Variants in SPATA24 observed in about 807,000 individuals in gnomAD.
SPATA24 encodes the protein spermatogenesis-associated protein 24.
A neutral mutation model predicts 28.9 loss-of-function variants in SPATA24; 21 were observed. That is an observed-to-expected ratio of 0.73 (90% CI 0.52 to 1.05). The LOEUF is 1.05. Ranked by LOEUF, SPATA24 falls within the 50% of genes least tolerant of loss-of-function variation. The pLI, the probability that SPATA24 is intolerant of heterozygous loss-of-function variation, is 0.00. For synonymous variants in SPATA24, 76 were observed against 89.9 expected (o/e 0.85, Z 0.88); for missense variants, 215 against 242.9 (o/e 0.88, Z 0.76).
At chr5:139,394,698 A>C, downstream of SPATA24, 2 of 1,533,696 alleles carry the variant, frequency 1.3e-6, no homozygotes, top group Non-Finnish European at 1.7e-6. Context: ...GCGCCTCGCG[A>C]TCGTCTGCGC....
downstream of SPATA24, chr5:139,396,329 C>A (rs1201532522): frequency 1.1e-5 from 11 of 985,354 alleles, no homozygotes; most frequent in Non-Finnish European, 1.3e-5. Context: ...CTTAAAACCA[C>A]ACACAGCATT....
At chr5:139,393,021 A>G (rs1331084803), downstream of SPATA24, 2 of 1,524,108 alleles carry the variant, frequency 1.3e-6, no homozygotes, top group South Asian at 2.5e-5. Context: ...CCACCGGTAG[A>G]AAATCCTTGA....
At chr5:139,394,404 C>T (rs7447765), downstream of SPATA24, 2 of 1,388,966 alleles carry the variant, frequency 1.4e-6, no homozygotes, top group Non-Finnish European at 9.3e-7. Flanking sequence ...GCCGGGGGCG[C>T]GGCGCGCCGG....
At chr5:139,392,935 A>T (rs1254774172), downstream of SPATA24, 1 of 1,522,364 alleles carries the variant, frequency 6.6e-7, no homozygotes, top group Non-Finnish European at 8.8e-7. The surrounding 1 kb of genome is among the most constrained non-coding windows in gnomAD (Gnocchi z 5.8). Context: ...CCTCCGCCGC[A>T]GGACCCCGTT....
chr5:139,393,055 G>C, downstream of SPATA24: 1 of 1,531,586 alleles, frequency 6.5e-7, no homozygotes, highest in East Asian at 2.5e-5. Context: ...GTAGTGAGCC[G>C]GGGCGGGGGG....
intron 4 of SPATA24, among the ~76,000 whole-genome samples, chr5:139,400,298 C>A (rs910769964): frequency 2.7e-5 from 4 of 147,220 alleles, no homozygotes; most frequent in Admixed American, 7.0e-5. Context: ...GGAATTCATA[C>A]CTACTTTTTT....
At chr5:139,394,349 G>A (rs1449582064), downstream of SPATA24, 4 of 1,426,536 alleles carry the variant, frequency 2.8e-6, no homozygotes, top group Non-Finnish European at 3.6e-6. Context: ...GCGGCGGCCT[G>A]CAGGGGGCCC....
chr5:139,401,083 G>C (rs1277959960), intron 4 of SPATA24, among the ~76,000 whole-genome samples: 2 of 152,122 alleles, frequency 1.3e-5, no homozygotes, highest in Non-Finnish European at 1.5e-5. Flanking sequence ...CTTGAACCCA[G>C]GAGATGGAGG....
chr5:139,395,111 C>G, downstream of SPATA24: 1 of 1,385,024 alleles, frequency 7.2e-7, no homozygotes, highest in Non-Finnish European at 9.4e-7. Context: ...CACTATCTCC[C>G]TCGCATTCGC....
At chr5:139,393,365 G>C, downstream of SPATA24, 1 of 1,551,570 alleles carries the variant, frequency 6.4e-7, no homozygotes. Context: ...CCAAAGGCAA[G>C]ATCTGAAATT....
rs990416567 is a variant in SPATA24 at position 139,401,734 on chromosome 5, G to A, written c.385+21C>T. 27 of 1,551,106 alleles carry A rather than the reference G, an allele frequency of 1.7e-5. No homozygotes were observed. In the African/African-American group the frequency reaches 3.4e-4, roughly 20 times the overall value. ...AGCCCGTTTATATAACCGTGGTGGA[G>A]AGCACGGGCCTCCCGCCTACCATTG... is the stretch of plus-strand genomic sequence containing the variant. On this transcript the variant is annotated intron_variant, in intron 4 of 5. Transcript: ENST00000450845.
chr5:139,394,261 G>C (rs750520103), downstream of SPATA24: 1 of 1,544,878 alleles, frequency 6.5e-7, no homozygotes, highest in East Asian at 2.5e-5. Flanking sequence ...CGACCGCCCC[G>C]TGGACCCGAA....
At position 139,404,018 on chromosome 5, in the gene SPATA24, C is replaced by A. The variant is rs201105749; in HGVS notation, c.43G>T (p.Val15Leu). 6.4e-7 allele frequency: 1 copy of A among 1,551,970 alleles called. No individual in the cohort carries two copies. Residue 15 changes from valine to leucine, a missense_variant, in exon 1 of 6, where the codon GTG (valine) becomes TTG (leucine). Coordinates refer to ENST00000450845, the MANE Select transcript of SPATA24 (RefSeq NM_194296.2). ...LGWSKAGSGS[V>L]CLALDQLRDV... The stretch of plus-strand genomic sequence containing the variant: ...CGCAGTTGATCTAAAGCGAGACACA[C>A]AGATCCTGACCCCGCCTTCGACCAC...
At chr5:139,397,005 T>C in intron 5 of SPATA24, 36 bp downstream of exon 5, 1 of 1,551,548 alleles carries the variant, frequency 6.4e-7, no homozygotes, top group Non-Finnish European at 8.7e-7. Context: ...CTCCCCAGTG[T>C]CATCAACAAC....
At chr5:139,399,266 G>A (rs895990993) in intron 4 of SPATA24, among the ~76,000 whole-genome samples, 5 of 148,322 alleles carry the variant, frequency 3.4e-5, no homozygotes, top group African/African-American at 1.0e-4. Flanking sequence ...GCAGTGAGCC[G>A]AGATCTCGAC....
At chr5:139,400,231 G>A (rs541340407) in intron 4 of SPATA24, among the ~76,000 whole-genome samples, 7 of 152,012 alleles carry the variant, frequency 4.6e-5, no homozygotes, top group South Asian at 2.1e-4. Flanking sequence ...AACCTCTTGC[G>A]CTTGGGCTCT....
At chr5:139,393,624 G>A, downstream of SPATA24, 1 of 1,549,644 alleles carries the variant, frequency 6.5e-7, no homozygotes, top group Non-Finnish European at 8.7e-7. Context: ...CCGCATCCGC[G>A]ACTGCCGAAT....
chr5:139,395,192 G>A, downstream of SPATA24: 5 of 1,141,946 alleles, frequency 4.4e-6, no homozygotes, highest in South Asian at 2.1e-5. Flanking sequence ...GCCTTAAAGC[G>A]GCCGCGTCCA....
chr5:139,395,944 AG>A (rs1195207324), downstream of SPATA24, among the ~76,000 whole-genome samples: 7 of 152,184 alleles, frequency 4.6e-5, no homozygotes, highest in Non-Finnish European at 1.0e-4. Flanking sequence ...CCCTAACTTC[AG>A]CCCCCACAGC....
Sources: allele counts gnomAD v4.1 joint callset (sites outside exome capture counted in the v4.1 genomes callset), GRCh38; gene constraint gnomAD v4.1.1; non-coding constraint Gnocchi (gnomAD v3.1); transcripts MANE v1.5; gene names NCBI Gene and HGNC (gene_info 2026-07-23, HGNC 2026-07-21).